RBFOX1: variants seen among roughly 807,000 people sequenced by gnomAD.
RBFOX1 encodes RNA binding protein fox-1 homolog 1.
In RBFOX1, 8 loss-of-function variants were observed where a neutral mutation model predicts 57.7. The ratio of observed to expected loss-of-function variants is 0.14; its 90% CI spans 0.08 to 0.25. RBFOX1 has a LOEUF of 0.25. Ranked by LOEUF, RBFOX1 falls within the 10% of genes least tolerant of loss-of-function variation. RBFOX1 has a pLI of 1.00. For synonymous variants in RBFOX1, 326 were observed against 222.4 expected (o/e 1.47, Z -4.15); for missense variants, 611 against 548.5 (o/e 1.11, Z -1.14).
intron 3 of RBFOX1, among the ~76,000 whole-genome samples, chr16:6,973,728 G>A (rs1212468386): frequency 3.9e-5 from 6 of 152,108 alleles, no homozygotes; most frequent in African/African-American, 1.2e-4. Context: ...TCACTTTTAA[G>A]TTTTGGCGAG....
chr16:5,395,359 C>T (rs910586747), intron 1 of RBFOX1, among the ~76,000 whole-genome samples: 2 of 152,172 alleles, frequency 1.3e-5, no homozygotes, highest in African/African-American at 4.8e-5. Flanking sequence ...GTTTTTGCCT[C>T]TGTTGTAGGT....
intron 4 of RBFOX1, among the ~76,000 whole-genome samples, chr16:7,189,466 G>C (rs2084799340): frequency 7.8e-6 from 1 of 127,480 alleles, no homozygotes; most frequent in African/African-American, 3.1e-5. Context: ...TCAATGGATA[G>C]AATCCTCATA....
chr16:5,724,867 C>T (rs545752639), intron 3 of RBFOX1, among the ~76,000 whole-genome samples: 2 of 152,274 alleles, frequency 1.3e-5, no homozygotes, highest in African/African-American at 4.8e-5. Flanking sequence ...TTACCATGAG[C>T]CTATTTTGCC....
chr16:7,233,464 A>G (rs1404067341), intron 4 of RBFOX1, among the ~76,000 whole-genome samples: 1 of 152,176 alleles, frequency 6.6e-6, no homozygotes, highest in Non-Finnish European at 1.5e-5. Flanking sequence ...GCTGTTGAAC[A>G]CAATACATGG....
intron 2 of RBFOX1, among the ~76,000 whole-genome samples, chr16:6,559,971 G>C (rs564362550): frequency 6.6e-6 from 1 of 152,176 alleles, no homozygotes; most frequent in East Asian, 1.9e-4. Flanking sequence ...CACATGAACA[G>C]ACTTTTGTCA....
intron 2 of RBFOX1, among the ~76,000 whole-genome samples, chr16:6,623,946 G>A (rs2098270021): frequency 6.6e-6 from 1 of 152,122 alleles, no homozygotes; most frequent in Non-Finnish European, 1.5e-5. Flanking sequence ...ATAATCCTTT[G>A]GGTATATACC....
At chr16:5,470,337 A>G (rs1421418552) in intron 2 of RBFOX1, among the ~76,000 whole-genome samples, 9 of 152,192 alleles carry the variant, frequency 5.9e-5, no homozygotes, top group Admixed American at 5.9e-4. Flanking sequence ...AAATGTGTCT[A>G]TTCCTGGTCC....
intron 4 of RBFOX1, among the ~76,000 whole-genome samples, chr16:7,279,406 C>T (rs971992276): frequency 1.3e-5 from 2 of 152,134 alleles, no homozygotes; most frequent in East Asian, 1.9e-4. Flanking sequence ...TTTCTCTGTG[C>T]GTAAGCCAGG....
chr16:6,481,129 T>C (rs2095365266), intron 2 of RBFOX1, among the ~76,000 whole-genome samples: 1 of 152,192 alleles, frequency 6.6e-6, no homozygotes, highest in African/African-American at 2.4e-5. Flanking sequence ...AGAGACAATA[T>C]CAGTTTACAG....
chr16:6,171,033 T>C (rs140452507), intron 1 of RBFOX1, among the ~76,000 whole-genome samples: 90 of 152,346 alleles, frequency 5.9e-4, no homozygotes, highest in African/African-American at 2.0e-3. Context: ...CTATTGTGAA[T>C]AGTGCTGCAG....
At chr16:7,575,242 C>G (rs1290477923) in intron 5 of RBFOX1, among the ~76,000 whole-genome samples, 1 of 152,026 alleles carries the variant, frequency 6.6e-6, no homozygotes, top group African/African-American at 2.4e-5. Flanking sequence ...TCAAGCGATT[C>G]TCCTGCCTCA....
At chr16:5,388,453 C>G (rs1302903655) in intron 1 of RBFOX1, among the ~76,000 whole-genome samples, 1 of 152,138 alleles carries the variant, frequency 6.6e-6, no homozygotes, top group African/African-American at 2.4e-5. Flanking sequence ...CGTCTCAATG[C>G]AATCCTTTAA....
At chr16:6,158,091 A>G (rs1294137082) in intron 1 of RBFOX1, among the ~76,000 whole-genome samples, 2 of 152,220 alleles carry the variant, frequency 1.3e-5, no homozygotes, top group African/African-American at 2.4e-5. Context: ...ATTCCCCGAG[A>G]TAAAACCCGA....
intron 2 of RBFOX1, among the ~76,000 whole-genome samples, chr16:6,359,865 T>C (rs559480038): frequency 6.6e-6 from 1 of 152,328 alleles, no homozygotes; most frequent in East Asian, 1.9e-4. Flanking sequence ...ATAGTATTTA[T>C]AGAAATTATA....
At chr16:5,413,597 T>TGGAC (rs1458445821) in intron 1 of RBFOX1, among the ~76,000 whole-genome samples, 2 of 152,232 alleles carry the variant, frequency 1.3e-5, no homozygotes, top group African/African-American at 4.8e-5. Context: ...GAGGTTCTGT[T>TGGAC]GGACAGTGCC....
chr16:6,687,545 T>C (rs1568216999), intron 3 of RBFOX1, among the ~76,000 whole-genome samples: 1 of 152,316 alleles, frequency 6.6e-6, no homozygotes, highest in East Asian at 1.9e-4. Flanking sequence ...TGTCCTGATA[T>C]CTTGGTGTTT....
At chr16:5,441,938 C>T (rs1206879142) in intron 1 of RBFOX1, among the ~76,000 whole-genome samples, 1 of 152,106 alleles carries the variant, frequency 6.6e-6, no homozygotes, top group Non-Finnish European at 1.5e-5. Context: ...ATGGGAACTA[C>T]AATTCAAGAT....
intron 4 of RBFOX1, among the ~76,000 whole-genome samples, chr16:7,512,223 G>T (rs1301286983): frequency 6.6e-6 from 1 of 152,178 alleles, no homozygotes; most frequent in Non-Finnish European, 1.5e-5. Context: ...ACATGAAGTT[G>T]GCTTCAGCTT....
intron 5 of RBFOX1, among the ~76,000 whole-genome samples, chr16:7,546,863 ATC>A (rs2084693017): frequency 6.6e-6 from 1 of 152,172 alleles, no homozygotes; most frequent in African/African-American, 2.4e-5. Flanking sequence ...CTTTCTGCAA[ATC>A]TCTGCACACT....
Sources: allele counts gnomAD v4.1 joint callset (sites outside exome capture counted in the v4.1 genomes callset), GRCh38; gene constraint gnomAD v4.1.1; transcripts MANE v1.5; gene names NCBI Gene and HGNC (gene_info 2026-07-23, HGNC 2026-07-21).